The following NCR1 variants were observed in gnomAD, a reference collection of about 807,000 sequenced individuals.
The protein encoded by NCR1 is NK cell-activating receptor.
Under a neutral mutation model 32.5 loss-of-function variants are expected in NCR1, and 30 were observed. That is an observed-to-expected ratio of 0.92 (90% CI 0.69 to 1.25). NCR1 has a LOEUF of 1.25. NCR1 is among the 50% of genes most tolerant of loss of function. NCR1 has a pLI of 0.00. For missense variants in NCR1, 369 were observed against 380.7 expected (o/e 0.97, Z 0.26); for synonymous variants, 169 against 143.4 (o/e 1.18, Z -1.28).
chr19:54,918,192 A>C (rs1194670959), downstream of NCR1, among the ~76,000 whole-genome samples: 1 of 152,046 alleles, frequency 6.6e-6, no homozygotes, highest in African/African-American at 2.4e-5. Context: ...TCGGCCTCTC[A>C]AAGTGCTGGG....
At chr19:54,905,384 C>A (rs1231158872), upstream of NCR1, among the ~76,000 whole-genome samples, 1 of 151,692 alleles carries the variant, frequency 6.6e-6, no homozygotes, top group Non-Finnish European at 1.5e-5. Flanking sequence ...TGCACCGGCC[C>A]CAGTCAGATT....
At chr19:54,909,142 C>T in intron 3 of NCR1, 103 bp from the exon 4 acceptor site, 1 of 1,181,644 alleles carries the variant, frequency 8.5e-7, no homozygotes, top group South Asian at 1.5e-5. Context: ...TGCACTCCAG[C>T]CTGGGCGACA....
At chr19:54,916,317 C>CTTT (rs71181711), downstream of NCR1, among the ~76,000 whole-genome samples, 152 of 87,094 alleles carry the variant, frequency 1.7e-3, 10 homozygotes, top group Middle Eastern at 6.5e-3. Flanking sequence ...GAATATTGTG[C>CTTT]TTTTTTTTTT....
chr19:54,904,499 A>T (rs896896151), upstream of NCR1, among the ~76,000 whole-genome samples: 8 of 149,858 alleles, frequency 5.3e-5, no homozygotes, highest in African/African-American at 2.0e-4. Context: ...TCTCACTTAT[A>T]AGTGAGAACA....
chr19:54,919,902 T>C (rs537829160), downstream of NCR1, among the ~76,000 whole-genome samples: 9 of 152,274 alleles, frequency 5.9e-5, 1 homozygote, highest in South Asian at 1.9e-3. Context: ...CGCACTCTTG[T>C]CTTCTGGTCA....
rs1455778195 is a variant in NCR1, at chr19:54,906,186, C to T, written c.-2C>T. The T allele has an allele frequency of 1.2e-6, 2 of 1,614,148 alleles. No individual in the cohort carries two copies. The highest frequency in any genetic ancestry group is 1.7e-5 in the Admixed American group (1 of 60,018). On this transcript the variant is annotated 5_prime_UTR_variant, in exon 1 of 7. Coordinates refer to ENST00000291890, the MANE Select transcript of NCR1 (RefSeq NM_004829.7). Reference sequence around the variant, plus strand: ...CAGCACTAGGCCGGCAGAATCTGAGCGATGTCTTCCACACTCCCTGCCCTG... The same window carrying T: ...CAGCACTAGGCCGGCAGAATCTGAGTGATGTCTTCCACACTCCCTGCCCTG...
the NCR1 span, among the ~76,000 whole-genome samples, chr19:54,899,257 T>C: frequency 0.018 from 2,704 of 152,224 alleles, 77 homozygotes; most frequent in African/African-American, 0.062. Flanking sequence ...CAAGTTTGTA[T>C]TGGGGTCAAG....
Position 54,906,746 on chromosome 19 carries a change from C to T in NCR1, c.294C>T (p.Cys98=). Residue 98 remains cysteine, a synonymous_variant, in exon 3 of 7, where the codon TGC becomes TGT. Coordinates refer to ENST00000291890, the MANE Select transcript of NCR1 (RefSeq NM_004829.7). ...CCCGCATGGCAGGGCAATACAGCTG[C>T]ATCTATCGGGTTGGGGAGCTCTGGT... The part of the protein sequence containing the change: ...MNSRMAGQYS[C]IYRVGELWSE... The T allele has an allele frequency of 1.2e-6, 2 of 1,614,228 alleles. No homozygotes were observed. Among genetic ancestry groups the T allele is most frequent in the Non-Finnish European group, 1.7e-6 (2 of 1,180,044 alleles).
At chr19:54,902,692 G>A (rs1338591760), upstream of NCR1, among the ~76,000 whole-genome samples, 1 of 152,180 alleles carries the variant, frequency 6.6e-6, no homozygotes, top group Non-Finnish European at 1.5e-5. Context: ...GAGGGTGGCT[G>A]AGGTCTGAGG....
the NCR1 span, chr19:54,936,332 C>T: frequency 1.3e-5 from 21 of 1,613,972 alleles, 1 homozygote; most frequent in South Asian, 1.8e-4. Context: ...TGCGTTCCCA[C>T]TCGATGTGCC....
upstream of NCR1, chr19:54,906,098 G>A: frequency 6.5e-7 from 1 of 1,532,688 alleles, no homozygotes; most frequent in Non-Finnish European, 9.0e-7. Flanking sequence ...ATGGGCGCTG[G>A]TGCTCACCCA....
chr19:54,914,500 G>A (rs915496081), downstream of NCR1, among the ~76,000 whole-genome samples: 8 of 151,800 alleles, frequency 5.3e-5, no homozygotes, highest in East Asian at 1.9e-4. Flanking sequence ...CACCACGCCC[G>A]GCTAATTTTT....
chr19:54,921,151 T>A, the NCR1 span, among the ~76,000 whole-genome samples: 23 of 152,316 alleles, frequency 1.5e-4, no homozygotes, highest in African/African-American at 5.3e-4. Context: ...TAGCAAATTC[T>A]ACACGGGAAC....
chr19:54,930,108 T>C, the NCR1 span, among the ~76,000 whole-genome samples: 1 of 101,196 alleles, frequency 9.9e-6, no homozygotes, highest in Admixed American at 1.3e-4. Context: ...AGAACGAGGC[T>C]CCGTCTCAAA....
downstream of NCR1, among the ~76,000 whole-genome samples, chr19:54,917,899 G>C (rs963104870): frequency 6.6e-6 from 1 of 152,028 alleles, no homozygotes; most frequent in Non-Finnish European, 1.5e-5. Context: ...ACGAGTCCAC[G>C]GAAACTCTCC....
rs1415164635 is a variant in NCR1 at position 54,906,811 on chromosome 19, A to T, written c.355+4A>T. 1 of 1,613,742 alleles carries T rather than the reference A, an allele frequency of 6.2e-7. No individual in the cohort carries two copies. The highest frequency in any genetic ancestry group is 1.3e-5 in the African/African-American group (1 of 75,008). ...TTGCTGGATCTGGTGGTAACAGGTA[A>T]CTGTCCGGTTCTCTAACTGGAGAGT... On this transcript the variant is annotated splice_donor_region_variant and intron_variant, in intron 3 of 6. Coordinates refer to ENST00000291890, the MANE Select transcript of NCR1 (RefSeq NM_004829.7).
At position 54,909,394 on chromosome 19, in the gene NCR1, G is replaced by T. The variant is rs966441909; in HGVS notation, c.505G>T (p.Gly169Trp). 1 of 1,613,910 alleles carries T rather than the reference G, an allele frequency of 6.2e-7. No individual in the cohort carries two copies. Among genetic ancestry groups the T allele is most frequent in the Non-Finnish European group, 8.5e-7 (1 of 1,180,038 alleles). The change falls in exon 4 of 7, where the codon GGG (glycine) becomes TGG (tryptophan). Residue 169 changes from glycine (G) to tryptophan (W), a missense_variant. By Grantham distance (184) the Gly-to-Trp change is radical. Transcript: ENST00000291890. The stretch of plus-strand genomic sequence containing the variant: ...ATCCAGCCACGTACAGCGCGGATAC[G>T]GGAAGGTCCAGGCGGAGTTCCCCCT... ...GRSSHVQRGYGKVQAEFPLGP... is the reference protein window; with the variant it reads ...GRSSHVQRGYWKVQAEFPLGP...
At chr19:54,930,615 C>A in the NCR1 span, 64 of 1,611,870 alleles carry the variant, frequency 4.0e-5, no homozygotes, top group Non-Finnish European at 5.3e-5. Flanking sequence ...CTTCTTGGAG[C>A]GCCTCTGAGA....
At chr19:54,936,160 CTGGG>C in the NCR1 span, 1 of 1,017,142 alleles carries the variant, frequency 9.8e-7, no homozygotes, top group Middle Eastern at 3.0e-4. Flanking sequence ...CATTCCCTGT[CTGGG>C]ACGGCATCTG....
Sources: allele counts gnomAD v4.1 joint callset (sites outside exome capture counted in the v4.1 genomes callset), GRCh38; gene constraint gnomAD v4.1.1; transcripts MANE v1.5; gene names NCBI Gene and HGNC (gene_info 2026-07-23, HGNC 2026-07-21).